Variants in IL18BP observed in about 807,000 individuals in gnomAD.
The protein encoded by IL18BP is interleukin-18-binding protein.
Under a neutral mutation model 19.9 loss-of-function variants are expected in IL18BP, and 23 were observed. That is an observed-to-expected ratio of 1.15 (90% CI 0.83 to 1.64). IL18BP has a LOEUF of 1.64. IL18BP is among the 40% of genes most tolerant of loss of function. IL18BP has a pLI of 0.00. For synonymous variants in IL18BP, 107 were observed against 101.0 expected (o/e 1.06, Z -0.35); for missense variants, 239 against 240.7 (o/e 0.99, Z 0.05).
In IL18BP at chr11:72,002,743, ATGTG is replaced by A. The variant is rs1955341307; in HGVS notation, c.*883_*886del. The A allele has an allele frequency of 1.1e-5, 2 of 180,452 alleles. No homozygotes were observed. The highest frequency in any genetic ancestry group is 4.7e-5 in the African/African-American group (2 of 42,504). 11.2% of individuals were successfully genotyped at this position (180,452 alleles called of 1,614,324 possible). ...TGGAGAGTGGGAAGAGCCTGGAAAGATGTGGCCTCAGGAAAAGGGATGAGAGAAA... is the reference window on the plus strand; with the variant it reads ...TGGAGAGTGGGAAGAGCCTGGAAAGAGCCTCAGGAAAAGGGATGAGAGAAA... On this transcript the variant is annotated 3_prime_UTR_variant, in exon 6 of 6. Coordinates refer to ENST00000393703, the MANE Select transcript of IL18BP (RefSeq NM_001039660.2).
downstream of IL18BP, chr11:72,007,317 G>C (rs1322738275): frequency 6.2e-7 from 1 of 1,613,536 alleles, no homozygotes; most frequent in Non-Finnish European, 8.5e-7. Context: ...CTCCGAGCAG[G>C]GATGGGAGTG....
In IL18BP at chr11:72,000,531, C is replaced by A. The variant is rs1955156205; in HGVS notation, c.209C>A (p.Thr70Asn). Residue 70 changes from threonine to asparagine, a missense_variant, in exon 3 of 6, where the codon ACC (threonine) becomes AAC (asparagine). Thr to Asn is a moderately conservative substitution (Grantham distance 65). Coordinates refer to ENST00000393703, the MANE Select transcript of IL18BP (RefSeq NM_001039660.2). ...AAKQCPALEV[T>N]WPEVEVPLNG... ...AAGCAGTGTCCAGCATTGGAAGTGA[C>A]CTGGCCAGAGGTGGAAGTGCCACTG... 2 of 1,612,524 alleles carry A rather than the reference C, an allele frequency of 1.2e-6. No homozygotes were observed. Among genetic ancestry groups the A allele is most frequent in the Non-Finnish European group, 1.7e-6 (2 of 1,180,024 alleles).
At chr11:72,004,904 C>T (rs552381327), downstream of IL18BP, 2,650 of 1,300,998 alleles carry the variant, frequency 2.0e-3, 4 homozygotes, top group Middle Eastern at 3.2e-3. Flanking sequence ...TACACTCGCC[C>T]GACACTTATG....
downstream of IL18BP, chr11:72,003,290 G>C (rs747172288): frequency 3.6e-6 from 2 of 549,556 alleles, no homozygotes; most frequent in Non-Finnish European, 6.5e-6. Context: ...AAAAAAGGAG[G>C]CAAGGTAGGG....
At chr11:72,006,202 G>A (rs1343035992), downstream of IL18BP, 16 of 1,614,020 alleles carry the variant, frequency 9.9e-6, no homozygotes, top group African/African-American at 1.3e-5. Context: ...CTGGGAAGCA[G>A]GAGCAGACCG....
downstream of IL18BP, chr11:72,005,854 G>A (rs1015805696): frequency 5.6e-5 from 34 of 608,650 alleles, no homozygotes; most frequent in Non-Finnish European, 8.4e-5. Context: ...CCCCAACACA[G>A]CCAGCCCCTA....
downstream of IL18BP, chr11:72,007,748 G>A (rs762114530): frequency 2.1e-5 from 9 of 419,816 alleles, no homozygotes; most frequent in African/African-American, 1.8e-4. Context: ...TCTTCCTCCT[G>A]CATCTCCCAT....
downstream of IL18BP, chr11:72,004,355 G>A: frequency 5.6e-6 from 9 of 1,605,950 alleles, no homozygotes; most frequent in East Asian, 2.2e-5. Context: ...TGGAGAAGAG[G>A]ACAGTTAGGC....
downstream of IL18BP, chr11:72,003,746 C>T: frequency 9.8e-7 from 1 of 1,021,146 alleles, no homozygotes; most frequent in Non-Finnish European, 1.5e-6. Flanking sequence ...TGGAGAGGAG[C>T]TACCAGGACA....
chr11:72,003,766 C>G, downstream of IL18BP: 1 of 1,143,180 alleles, frequency 8.7e-7, no homozygotes, highest in Non-Finnish European at 1.3e-6. Flanking sequence ...AGGGACACCT[C>G]TTACCCCACA....
chr11:72,004,610 G>T, downstream of IL18BP: 1 of 1,604,460 alleles, frequency 6.2e-7, no homozygotes, highest in South Asian at 1.1e-5. Flanking sequence ...GCACAGTGCT[G>T]GAGTAACACC....
At chr11:72,006,832 T>C (rs1955751577), downstream of IL18BP, among the ~76,000 whole-genome samples, 1 of 152,224 alleles carries the variant, frequency 6.6e-6, no homozygotes. Context: ...GCCTGTAGCC[T>C]GTCAGGCAGT....
downstream of IL18BP, chr11:72,003,401 G>A (rs1955394895): frequency 1.1e-6 from 1 of 933,380 alleles, no homozygotes; most frequent in Non-Finnish European, 1.8e-6. Flanking sequence ...AGGCATCACT[G>A]TCTCTAGGGG....
At chr11:72,006,849 G>C (rs1052651387), downstream of IL18BP, among the ~76,000 whole-genome samples, 1 of 152,192 alleles carries the variant, frequency 6.6e-6, no homozygotes, top group African/African-American at 2.4e-5. Context: ...CAGTCCACTG[G>C]GCAGCAACAA....
downstream of IL18BP, chr11:72,004,212 G>A: frequency 6.2e-7 from 1 of 1,608,416 alleles, no homozygotes; most frequent in Non-Finnish European, 8.5e-7. Context: ...TCCCCCTTCA[G>A]CCCCAGCCTC....
In IL18BP at chr11:72,000,423, C is replaced by T. The variant is rs141137180; in HGVS notation, c.101C>T (p.Ser34Leu). 206 of 1,614,100 alleles carry T rather than the reference C, an allele frequency of 1.3e-4. 1 individual carries two copies. In the African/African-American group the frequency reaches 1.9e-3, roughly 15 times the overall value. ...VTLLVRATPV[S>L]QTTTAATASV... ...CTCCTGGTCAGAGCCACACCTGTCTCGCAGACCACCACAGCTGCCACTGCC... is the reference window on the plus strand; with the variant it reads ...CTCCTGGTCAGAGCCACACCTGTCTTGCAGACCACCACAGCTGCCACTGCC... The change falls in exon 3 of 6, where the codon TCG (serine) becomes TTG (leucine). Residue 34 changes from serine (S) to leucine (L), a missense_variant. Physicochemically the swap from Ser to Leu is moderately radical, Grantham distance 145 (BLOSUM62 -2). Transcript: ENST00000393703.
downstream of IL18BP, chr11:72,007,559 C>T (rs1234091225): frequency 7.9e-7 from 1 of 1,263,342 alleles, no homozygotes; most frequent in Non-Finnish European, 1.1e-6. Context: ...GCCCATCTCT[C>T]TGATTTTTCA....
chr11:72,003,981 C>T (rs764194061), downstream of IL18BP: 6 of 1,613,000 alleles, frequency 3.7e-6, no homozygotes, highest in East Asian at 6.7e-5. Context: ...GGTTCCACTG[C>T]GAGTGTTGGG....
downstream of IL18BP, chr11:72,004,323 A>C: frequency 6.2e-7 from 1 of 1,613,218 alleles, no homozygotes; most frequent in Non-Finnish European, 8.5e-7. Context: ...CGTGGGAAAC[A>C]GCTGGTGGCC....
Sources: gnomAD v4.1 joint callset for allele counts (sites outside exome capture counted in the v4.1 genomes callset) on GRCh38, gnomAD v4.1.1 for gene constraint, MANE v1.5 for transcripts, NCBI Gene and HGNC (gene_info 2026-07-23, HGNC 2026-07-21) for gene names.